CLGN: variants seen among roughly 807,000 people sequenced by gnomAD.
CLGN encodes the protein testis tissue sperm-binding protein Li 79P.
In CLGN, 62 loss-of-function variants were observed where a neutral mutation model predicts 79.1. The ratio of observed to expected loss-of-function variants is 0.78; its 90% CI spans 0.64 to 0.97. CLGN has a LOEUF of 0.97. CLGN is among the 50% of genes least tolerant of loss of function. The pLI is 0.00. For synonymous variants in CLGN, 225 were observed against 224.7 expected, an observed-to-expected ratio of 1.00 and a Z score of -0.01; for missense variants, 647 against 715.5, an observed-to-expected ratio of 0.90 and a Z score of 1.09.
At chr4:140,389,927 T>C (rs911104428) in intron 14 of CLGN, among the ~76,000 whole-genome samples, 9 of 151,836 alleles carry the variant, frequency 5.9e-5, no homozygotes, top group Admixed American at 2.0e-4. Flanking sequence ...TGGAATGTAA[T>C]ATGTTAGGAT....
Position 140,409,967 on chromosome 4 carries a change from A to G in CLGN, c.219-72T>C, listed in dbSNP as rs975304444. ...AGCAATTTATAGATATAAGGCATAC[A>G]GAAACACAATAAAAGATCACCCAAT... is the stretch of plus-strand genomic sequence containing the variant. On this transcript the variant is annotated intron_variant, in intron 3 of 14. Coordinates refer to ENST00000325617, the MANE Select transcript of CLGN (RefSeq NM_004362.3). 87 of 956,130 alleles carry G rather than the reference A, an allele frequency of 9.1e-5. No homozygotes were observed. The Admixed American group carries it at 2.1e-3, about 23-fold the overall frequency. 59.2% of individuals were successfully genotyped at this position (956,130 alleles called of 1,614,324 possible). A position where few individuals can be genotyped will look rare whatever the true frequency, so the allele number is the denominator to read the frequency against.
intron 13 of CLGN, among the ~76,000 whole-genome samples, 159 bp from the exon 14 acceptor site, chr4:140,390,887 T>C (rs1245592654): frequency 6.6e-6 from 1 of 151,794 alleles, no homozygotes; most frequent in African/African-American, 2.4e-5. Flanking sequence ...TTATAAATAC[T>C]CATTATATTA....
chr4:140,412,251 A>G (rs550213422), intron 2 of CLGN, among the ~76,000 whole-genome samples: 1 of 152,298 alleles, frequency 6.6e-6, no homozygotes, highest in South Asian at 2.1e-4. Context: ...ACAACTACAT[A>G]TTATTCCCTT....
intron 1 of CLGN, among the ~76,000 whole-genome samples, chr4:140,413,844 C>A (rs557430774): frequency 6.6e-6 from 1 of 152,222 alleles, no homozygotes; most frequent in African/African-American, 2.4e-5. Flanking sequence ...TCGAACTGGG[C>A]GGAGCCCACC....
chr4:140,427,223 T>G (rs2126638144), intron 1 of CLGN, among the ~76,000 whole-genome samples: 1 of 152,198 alleles, frequency 6.6e-6, no homozygotes, highest in African/African-American at 2.4e-5. Flanking sequence ...GCTAGGCACC[T>G]AGCTGTCCCC....
rs749632211 is a variant in CLGN, at chr4:140,400,337, A to AATG, written c.694+17_694+19dup. On this transcript the variant is annotated intron_variant, in intron 7 of 14. Transcript: ENST00000325617. ...GTCAGCAAATATTTTTGAATACATG[A>AATG]ATGAATTAAAAGGGTATACCAAGGG... 1.3e-6 allele frequency: 2 copies of AATG among 1,525,700 alleles called. No individual in the cohort carries two copies. Among genetic ancestry groups the AATG allele is most frequent in the African/African-American group, 2.8e-5 (2 of 71,532 alleles). 94.5% of individuals were successfully genotyped at this position (1,525,700 alleles called of 1,614,324 possible). A position where few individuals can be genotyped will look rare whatever the true frequency, so the allele number is the denominator to read the frequency against.
intron 1 of CLGN, among the ~76,000 whole-genome samples, chr4:140,425,895 C>T (rs1729558885): frequency 6.6e-6 from 1 of 152,138 alleles, no homozygotes; most frequent in African/African-American, 2.4e-5. Context: ...TCCCAAAGTG[C>T]TGGGATTACA....
rs1409292942 is a variant in CLGN, at chr4:140,405,991, C to A, written c.370G>T (p.Ala124Ser). ...KSRAKHHAIS[A>S]VLAKPFIFAD... ...AAAATGAATGGTTTTGCTAATACAG[C>A]AGATATTGCATGATGCTTTGCTCTA... Residue 124 changes from alanine to serine, a missense_variant, in exon 5 of 15, where the codon GCT (alanine) becomes TCT (serine). By Grantham distance (99) the Ala-to-Ser change is moderately conservative. Transcript: ENST00000325617. 4 of 1,613,346 alleles carry A rather than the reference C, an allele frequency of 2.5e-6. No homozygotes were observed. The Admixed American group carries it at 5.0e-5, about 20-fold the overall frequency.
At chr4:140,413,504 G>C (rs530090975) in intron 1 of CLGN, among the ~76,000 whole-genome samples, 1 of 152,234 alleles carries the variant, frequency 6.6e-6, no homozygotes, top group Admixed American at 6.5e-5. Flanking sequence ...TGCGTGCACC[G>C]TGCGTGAGCC....
intron 7 of CLGN, among the ~76,000 whole-genome samples, chr4:140,399,467 A>G (rs959359111): frequency 7.9e-5 from 12 of 152,196 alleles, no homozygotes; most frequent in Admixed American, 5.9e-4. Context: ...TCTACAGTTT[A>G]CTTGGTGTTC....
At position 140,408,443 on chromosome 4, in the gene CLGN, T is replaced by A. The variant is rs530661461; in HGVS notation, c.277+1394A>T. 1.1e-4 allele frequency among the ~76,000 whole-genome samples: 16 copies of A among 152,202 alleles called. 1 individual carries two copies. The highest frequency in any genetic ancestry group is 3.1e-4 in the African/African-American group (13 of 41,540). ...ATAACCTATGAATCTGACAAAGGAC[T>A]AGTATCCAGAATCATGAGACTCAAA... On this transcript the variant is annotated intron_variant, in intron 4 of 14. Coordinates refer to ENST00000325617, the MANE Select transcript of CLGN (RefSeq NM_004362.3).
chr4:140,413,572 T>G (rs1255154040), intron 1 of CLGN, among the ~76,000 whole-genome samples: 4 of 152,202 alleles, frequency 2.6e-5, no homozygotes, highest in Admixed American at 2.6e-4. Context: ...GAGTTCCCTT[T>G]CCGAGTCAAA....
chr4:140,421,132 T>A (rs1729461255), intron 1 of CLGN, among the ~76,000 whole-genome samples: 1 of 152,122 alleles, frequency 6.6e-6, no homozygotes, highest in African/African-American at 2.4e-5. Flanking sequence ...TGTATCAAAT[T>A]TCCTTCCTTT....
rs1560738054 is a variant in CLGN, at chr4:140,392,422, T to A, written c.1492-44A>T. 4 of 1,549,258 alleles carry A rather than the reference T, an allele frequency of 2.6e-6. No homozygotes were observed. In the Middle Eastern group the frequency reaches 7.2e-4, roughly 277 times the overall value. On this transcript the variant is annotated intron_variant, in intron 12 of 14. Transcript: ENST00000325617. ...GTTATTTTTACTAAAGGCAGAGTGC[T>A]ATTTTGAAAGTTTTTTTGCAATAAT...
intron 1 of CLGN, among the ~76,000 whole-genome samples, chr4:140,415,462 C>A (rs1221729175): frequency 6.6e-6 from 1 of 151,914 alleles, no homozygotes; most frequent in African/African-American, 2.4e-5. Context: ...ACCCATCTCA[C>A]GTGCAGAGAC....
intron 5 of CLGN, 88 bp downstream of exon 5, chr4:140,405,854 A>G (rs1257748153): frequency 1.4e-5 from 19 of 1,319,082 alleles, no homozygotes; most frequent in Non-Finnish European, 2.0e-5. Context: ...CTAGATTTTC[A>G]CATCCATTTT....
intron 1 of CLGN, among the ~76,000 whole-genome samples, chr4:140,419,574 A>G (rs1172832917): frequency 6.6e-6 from 1 of 152,158 alleles, no homozygotes; most frequent in Non-Finnish European, 1.5e-5. Flanking sequence ...TTTTATCACA[A>G]ATTTAATGTG....
At chr4:140,416,755 G>A (rs1304527673) in intron 1 of CLGN, among the ~76,000 whole-genome samples, 1 of 152,154 alleles carries the variant, frequency 6.6e-6, no homozygotes, top group East Asian at 1.9e-4. Context: ...ATTCACAGCT[G>A]AATTCTACGA....
intron 2 of CLGN, among the ~76,000 whole-genome samples, chr4:140,412,276 G>A (rs1729228267): frequency 6.6e-6 from 1 of 152,110 alleles, no homozygotes; most frequent in Admixed American, 6.5e-5. Context: ...CCTTCAAACA[G>A]TAGCTGGCAG....
Sources: gnomAD v4.1 joint callset for allele counts (sites outside exome capture counted in the v4.1 genomes callset) on GRCh38, gnomAD v4.1.1 for gene constraint, MANE v1.5 for transcripts, NCBI Gene and HGNC (gene_info 2026-07-23, HGNC 2026-07-21) for gene names.